BNC2: variants seen among roughly 807,000 people sequenced by gnomAD.
BNC2 encodes basonuclin zinc finger protein 2, also known as zinc finger protein basonuclin-2.
BNC2 carries 20 observed loss-of-function variants against 76.3 expected under a neutral mutation model. The ratio of observed to expected loss-of-function variants is 0.26; its 90% CI spans 0.18 to 0.38. The LOEUF is 0.38. Ranked by LOEUF, BNC2 falls within the 10% of genes least tolerant of loss-of-function variation. The pLI, the probability that BNC2 is intolerant of heterozygous loss-of-function variation, is 1.00. For missense variants in BNC2, 1,382 were observed against 1,399.8 expected, an observed-to-expected ratio of 0.99 and a Z score of 0.20; for synonymous variants, 582 against 514.8, an observed-to-expected ratio of 1.13 and a Z score of -1.77.
At chr9:16,606,261 T>A (rs1475014543) in intron 3 of BNC2, among the ~76,000 whole-genome samples, 5 of 151,624 alleles carry the variant, frequency 3.3e-5, no homozygotes, top group African/African-American at 1.2e-4. Flanking sequence ...TTTAAAGGAT[T>A]AGCTTTAAAA....
chr9:16,726,376 G>A (rs1292248510), intron 3 of BNC2, among the ~76,000 whole-genome samples: 1 of 152,050 alleles, frequency 6.6e-6, no homozygotes, highest in Non-Finnish European at 1.5e-5. Flanking sequence ...AGAATTGTGT[G>A]CTAAAACTGT....
intron 3 of BNC2, among the ~76,000 whole-genome samples, chr9:16,667,996 T>A (rs1439348475): frequency 1.3e-5 from 2 of 152,220 alleles, no homozygotes; most frequent in East Asian, 1.9e-4. Flanking sequence ...ATTTATCACA[T>A]CAAGCAATTA....
intron 1 of BNC2, among the ~76,000 whole-genome samples, chr9:16,793,908 TAGCCA>T: frequency 6.7e-6 from 1 of 148,800 alleles, no homozygotes; most frequent in Non-Finnish European, 1.5e-5. Flanking sequence ...TTCACCGTGT[TAGCCA>T]GGATGGTCTC....
chr9:16,701,938 CAAAAAAAA>C (rs5896700), intron 3 of BNC2, among the ~76,000 whole-genome samples: 2 of 91,546 alleles, frequency 2.2e-5, no homozygotes, highest in African/African-American at 1.0e-4. Flanking sequence ...CGAGACTCTC[CAAAAAAAA>C]AAAAAAAAAA....
At chr9:16,575,467 G>C in intron 4 of BNC2, 1 of 984,802 alleles carries the variant, frequency 1.0e-6, no homozygotes, top group South Asian at 4.7e-5. Flanking sequence ...CTTTGAAGGG[G>C]AGGCACTGTT....
chr9:16,456,219 C>T (rs1378144611), intron 5 of BNC2, among the ~76,000 whole-genome samples: 4 of 152,104 alleles, frequency 2.6e-5, no homozygotes, highest in Non-Finnish European at 5.9e-5. Context: ...AATTACCTAC[C>T]AAGTCAGGAG....
At chr9:16,650,301 T>A (rs1821758657) in intron 3 of BNC2, among the ~76,000 whole-genome samples, 3 of 152,226 alleles carry the variant, frequency 2.0e-5, no homozygotes, top group Admixed American at 2.0e-4. Flanking sequence ...ATTAGATGTA[T>A]TTTTAAATTG....
At chr9:16,672,571 A>G (rs1822512587) in intron 3 of BNC2, among the ~76,000 whole-genome samples, 1 of 152,190 alleles carries the variant, frequency 6.6e-6, no homozygotes, top group African/African-American at 2.4e-5. Context: ...GGACAAAATG[A>G]AATCATAATT....
At chr9:16,427,751 T>C (rs1820829437) in intron 6 of BNC2, among the ~76,000 whole-genome samples, 1 of 152,202 alleles carries the variant, frequency 6.6e-6, no homozygotes, top group African/African-American at 2.4e-5. Flanking sequence ...CCATCTCTGC[T>C]GATGAATGGA....
chr9:16,455,682 C>G (rs993379736), intron 5 of BNC2, among the ~76,000 whole-genome samples: 3 of 151,900 alleles, frequency 2.0e-5, no homozygotes, highest in Non-Finnish European at 2.9e-5. Flanking sequence ...ATCCCAGCTA[C>G]TCAGGAGGCT....
At chr9:16,441,244 C>T (rs565172813) in intron 5 of BNC2, among the ~76,000 whole-genome samples, 2 of 152,268 alleles carry the variant, frequency 1.3e-5, no homozygotes, top group African/African-American at 4.8e-5. Flanking sequence ...GTTGAAGCTG[C>T]AGTGAGCCAT....
At chr9:16,655,206 A>C (rs914247060) in intron 3 of BNC2, among the ~76,000 whole-genome samples, 1 of 152,102 alleles carries the variant, frequency 6.6e-6, no homozygotes. Context: ...ACGATACAGC[A>C]TAAAGGAAAT....
chr9:16,870,555 G>C (rs1586950115), intron 1 of BNC2, 91 bp downstream of exon 1: 8 of 1,468,272 alleles, frequency 5.4e-6, no homozygotes, highest in Non-Finnish European at 7.4e-6. Flanking sequence ...GGGCGGACAC[G>C]GCCCCCGGGC....
At chr9:16,700,979 G>A (rs1432720795) in intron 3 of BNC2, among the ~76,000 whole-genome samples, 1 of 152,130 alleles carries the variant, frequency 6.6e-6, no homozygotes, top group East Asian at 1.9e-4. Flanking sequence ...AGCTTTTCCT[G>A]TGAATTCCAC....
rs375628882 is a variant in BNC2 at position 16,457,147 on chromosome 9, TC to T, written c.670-19624del. 3.5e-4 allele frequency among the ~76,000 whole-genome samples: 53 copies of T among 152,278 alleles called. No homozygotes were observed. In the East Asian group the frequency reaches 9.6e-3, roughly 28 times the overall value. The stretch of plus-strand genomic sequence containing the variant: ...AAGTGCCTACCTGATTACATTATAT[TC>T]CAAAAATATTCACTGACTAAACTCA... On this transcript the variant is annotated intron_variant, in intron 5 of 6. Coordinates refer to ENST00000380672, the MANE Select transcript of BNC2 (RefSeq NM_017637.6).
At chr9:16,732,458 A>C (rs1479184583) in intron 2 of BNC2, among the ~76,000 whole-genome samples, 1 of 152,152 alleles carries the variant, frequency 6.6e-6, no homozygotes, top group Non-Finnish European at 1.5e-5. Context: ...CTGAGAAAGT[A>C]CTCTAGGATT....
intron 3 of BNC2, among the ~76,000 whole-genome samples, chr9:16,642,082 AG>A (rs1181107525): frequency 6.6e-6 from 1 of 152,214 alleles, no homozygotes; most frequent in Non-Finnish European, 1.5e-5. Context: ...AGCCAAAATA[AG>A]TAGTGACCCT....
intron 2 of BNC2, among the ~76,000 whole-genome samples, chr9:16,728,846 G>A (rs1336581140): frequency 6.6e-6 from 1 of 151,914 alleles, no homozygotes; most frequent in African/African-American, 2.4e-5. Context: ...GTTAGCTAAT[G>A]AGAAACTGAA....
chr9:16,606,623 C>T (rs1242223945), intron 3 of BNC2, among the ~76,000 whole-genome samples: 2 of 151,896 alleles, frequency 1.3e-5, no homozygotes, highest in African/African-American at 4.8e-5. Flanking sequence ...ACCTCCACCC[C>T]ACAACGTTCA....
Sources: allele counts gnomAD v4.1 joint callset (sites outside exome capture counted in the v4.1 genomes callset), GRCh38; gene constraint gnomAD v4.1.1; transcripts MANE v1.5; gene names NCBI Gene and HGNC (gene_info 2026-07-23, HGNC 2026-07-21).